The following IPO11 variants were observed in gnomAD, a reference collection of about 807,000 sequenced individuals.
IPO11 encodes importin-11.
In IPO11, 66 loss-of-function variants were observed where a neutral mutation model predicts 143.2. The observed-to-expected ratio is 0.46, with a 90% CI of 0.38 to 0.57. IPO11 has a LOEUF of 0.57. Ranked by LOEUF, IPO11 falls within the 20% of genes least tolerant of loss-of-function variation. IPO11 has a pLI of 0.00. For missense variants in IPO11, 1,026 were observed against 1,141.0 expected, an observed-to-expected ratio of 0.90 and a Z score of 1.45; for synonymous variants, 385 against 377.8, an observed-to-expected ratio of 1.02 and a Z score of -0.22.
chr5:62,545,472 G>A (rs1253313833), intron 24 of IPO11, among the ~76,000 whole-genome samples: 1 of 152,176 alleles, frequency 6.6e-6, no homozygotes, highest in East Asian at 1.9e-4. Context: ...AGACTTAAGT[G>A]TTAGACCTAA....
chr5:62,435,188 A>ATGTATATATATATATATATG lies in IPO11; in HGVS notation c.-6-2075_-6-2074insATATATATGTGTATATATAT, dbSNP rs1561309141. Among the ~76,000 whole-genome samples the ATGTATATATATATATATATG allele has an allele frequency of 4.3e-5, 5 of 116,252 alleles. 1 individual carries two copies. The East Asian group carries it at 1.3e-3, about 30-fold the overall frequency. 76.3% of individuals were successfully genotyped at this position (116,252 alleles called of 152,430 possible). ...TATATATATGTATATATGTATATAT[A>ATGTATATATATATATATATG]TGTATATATATGTATATATATGTGT... On this transcript the variant is annotated intron_variant, in intron 1 of 29. Coordinates refer to ENST00000325324, the MANE Select transcript of IPO11 (RefSeq NM_016338.5).
chr5:62,482,374 A>G (rs1226142995), intron 9 of IPO11, among the ~76,000 whole-genome samples: 2 of 152,046 alleles, frequency 1.3e-5, no homozygotes, highest in Non-Finnish European at 2.9e-5. Flanking sequence ...TTTAATTGTA[A>G]TGTAAGGGTG....
At chr5:62,559,916 CAAAAAA>C (rs759468696) in intron 26 of IPO11, among the ~76,000 whole-genome samples, 3 of 17,028 alleles carry the variant, frequency 1.8e-4, no homozygotes, top group Non-Finnish European at 2.7e-4. Flanking sequence ...AACTCTGTCT[CAAAAAA>C]AAAAAAAAAA....
intron 5 of IPO11, among the ~76,000 whole-genome samples, chr5:62,465,999 G>A (rs929431020): frequency 6.6e-6 from 1 of 152,182 alleles, no homozygotes; most frequent in African/African-American, 2.4e-5. Context: ...TGTTTTAAGG[G>A]GAGTAGGGCA....
chr5:62,597,251 C>T lies in IPO11; in HGVS notation c.2679-4513C>T, dbSNP rs116210039. 3.7e-3 allele frequency among the ~76,000 whole-genome samples: 558 copies of T among 151,934 alleles called. 8 individuals carry two copies. The highest frequency in any genetic ancestry group is 0.013 in the African/African-American group (544 of 41,420). ...ACTTAGCTATATGCTTTCTAATTAC[C>T]AGGATAAAAAAAAGAAACATTAGGA... On this transcript the variant is annotated intron_variant, in intron 28 of 29. Transcript: ENST00000325324.
chr5:62,513,390 G>T (rs1255357695), intron 19 of IPO11, among the ~76,000 whole-genome samples: 730 of 140,468 alleles, frequency 5.2e-3, no homozygotes, highest in African/African-American at 0.018. Context: ...CCCGGACGGG[G>T]CGGCTGGCCG....
chr5:62,566,858 G>GTA (rs1743961159), intron 27 of IPO11, among the ~76,000 whole-genome samples: 1 of 151,754 alleles, frequency 6.6e-6, no homozygotes, highest in Admixed American at 6.6e-5. Context: ...ATATATGTGT[G>GTA]TGTATATATA....
intron 28 of IPO11, among the ~76,000 whole-genome samples, chr5:62,598,379 G>GTTTTCTTT (rs1400148397): frequency 2.1e-5 from 1 of 48,576 alleles, no homozygotes; most frequent in African/African-American, 8.9e-5. Context: ...TAAATTGTTT[G>GTTTTCTTT]CTTGCTTGCT....
At chr5:62,509,130 A>G (rs1255492057) in intron 19 of IPO11, among the ~76,000 whole-genome samples, 2 of 152,202 alleles carry the variant, frequency 1.3e-5, no homozygotes, top group African/African-American at 2.4e-5. Flanking sequence ...TTGAAAACCT[A>G]CAGTTAACTT....
intron 3 of IPO11, 124 bp from the exon 4 acceptor site, chr5:62,449,803 T>C (rs1200787114): frequency 1.8e-6 from 1 of 565,790 alleles, no homozygotes; most frequent in Non-Finnish European, 3.0e-6. Context: ...ATCCTTTTTA[T>C]TTACAAAAAC....
chr5:62,550,377 ATGCCCTTAAAG>A lies in IPO11; in HGVS notation c.2264_2274del (p.Ala755GlufsTer46). On this transcript the variant is annotated frameshift_variant, in exon 25 of 30. Coordinates refer to ENST00000325324, the MANE Select transcript of IPO11 (RefSeq NM_016338.5). LOFTEE classifies it high-confidence loss of function. ...CTTTCTGGTTTTTAGGTTGTGGAAA[ATGCCCTTAAAG>A]TGAACCCAATACTAGGTCCACAAAT... 1 of 1,611,456 alleles carries A rather than the reference ATGCCCTTAAAG, an allele frequency of 6.2e-7. No homozygotes were observed. The highest frequency in any genetic ancestry group is 8.5e-7 in the Non-Finnish European group (1 of 1,178,200).
At position 62,440,018 on chromosome 5, in the gene IPO11, C is replaced by T. The variant is rs530946275; in HGVS notation, c.138+2601C>T. On this transcript the variant is annotated intron_variant, in intron 2 of 29. Transcript: ENST00000325324. Reference sequence around the variant, plus strand: ...ACTGAGTGAGATCCACCAACTTCCACAATATTCCCACATTACTTCCATTCG... The same window carrying T: ...ACTGAGTGAGATCCACCAACTTCCATAATATTCCCACATTACTTCCATTCG... 7.9e-5 allele frequency among the ~76,000 whole-genome samples: 12 copies of T among 152,322 alleles called. No individual in the cohort carries two copies. In the South Asian group the frequency reaches 2.5e-3, roughly 32 times the overall value.
At chr5:62,508,943 A>T (rs1741655920) in intron 19 of IPO11, among the ~76,000 whole-genome samples, 1 of 152,224 alleles carries the variant, frequency 6.6e-6, no homozygotes, top group African/African-American at 2.4e-5. Context: ...ACACCGTGGA[A>T]TACTATGCAG....
intron 28 of IPO11, among the ~76,000 whole-genome samples, chr5:62,598,448 C>T (rs201825063): frequency 1.6e-3 from 4 of 2,508 alleles, no homozygotes; most frequent in Admixed American, 6.8e-3. Context: ...CTCTCTCTCT[C>T]TCTCTCTCTC....
intron 13 of IPO11, among the ~76,000 whole-genome samples, chr5:62,488,806 C>T (rs1198392196): frequency 3.9e-5 from 6 of 152,086 alleles, no homozygotes; most frequent in Non-Finnish European, 8.8e-5. Flanking sequence ...AGTCCCAGAC[C>T]AGCCTGGACA....
intron 19 of IPO11, among the ~76,000 whole-genome samples, chr5:62,513,169 A>AGGCGC (rs2112278053): frequency 6.7e-6 from 1 of 150,322 alleles, no homozygotes; most frequent in East Asian, 2.0e-4. Context: ...GGCCGGGCAG[A>AGGCGC]GGCGCCCCTC....
intron 10 of IPO11, 99 bp downstream of exon 10, chr5:62,483,392 A>C: frequency 5.6e-6 from 4 of 708,266 alleles, no homozygotes; most frequent in Non-Finnish European, 9.0e-6. Flanking sequence ...TTTTAGTCTG[A>C]AAAATAAATT....
At chr5:62,454,723 C>T (rs898875071) in intron 5 of IPO11, among the ~76,000 whole-genome samples, 9 of 152,094 alleles carry the variant, frequency 5.9e-5, no homozygotes, top group Non-Finnish European at 1.3e-4. Flanking sequence ...TTGTAATTGT[C>T]GACTTATTTT....
intron 16 of IPO11, among the ~76,000 whole-genome samples, chr5:62,503,127 G>C (rs985278923): frequency 5.3e-5 from 8 of 151,808 alleles, no homozygotes; most frequent in Non-Finnish European, 1.2e-4. Context: ...GCCTAGCCTT[G>C]ATTTCTTGTT....
Sources: gnomAD v4.1 joint callset for allele counts (sites outside exome capture counted in the v4.1 genomes callset) on GRCh38, gnomAD v4.1.1 for gene constraint, MANE v1.5 for transcripts, NCBI Gene and HGNC (gene_info 2026-07-23, HGNC 2026-07-21) for gene names.